Variants in PCGF6 observed in about 807,000 individuals in gnomAD.
The protein encoded by PCGF6 is polycomb group RING finger protein 6.
A neutral mutation model predicts 45.5 loss-of-function variants in PCGF6; 24 were observed. The ratio of observed to expected loss-of-function variants is 0.53; its 90% CI spans 0.38 to 0.74. The LOEUF is 0.74. Among genes scored for constraint, PCGF6 ranks in the 30% least tolerant of loss-of-function variants. PCGF6 has a pLI of 0.00. For missense variants in PCGF6, 356 were observed against 443.2 expected (o/e 0.80, Z 1.77); for synonymous variants, 152 against 162.1 (o/e 0.94, Z 0.47).
At chr10:103,335,260 G>T (rs2093252472) in intron 6 of PCGF6, among the ~76,000 whole-genome samples, 1 of 150,824 alleles carries the variant, frequency 6.6e-6, no homozygotes. Context: ...CGCTGTGTTG[G>T]CCAGGCTGGT....
At chr10:103,343,589 A>C (rs2093288741) in intron 6 of PCGF6, among the ~76,000 whole-genome samples, 1 of 152,034 alleles carries the variant, frequency 6.6e-6, no homozygotes, top group Non-Finnish European at 1.5e-5. Flanking sequence ...CTGTAATCCC[A>C]GCACTTTGGG....
chr10:103,322,885 AAAAC>A (rs2093202828), intron 8 of PCGF6, among the ~76,000 whole-genome samples: 1 of 150,484 alleles, frequency 6.6e-6, no homozygotes, highest in Non-Finnish European at 1.5e-5. Context: ...CACCAAAAAA[AAAAC>A]AAAAAACAAA....
In PCGF6 at chr10:103,327,204, G is replaced by C. The variant is rs145078114; in HGVS notation, c.811-572C>G. 4.1e-3 allele frequency among the ~76,000 whole-genome samples: 617 copies of C among 152,224 alleles called. 4 individuals are homozygous for C. Among genetic ancestry groups the C allele is most frequent in the African/African-American group, 0.012 (506 of 41,548 alleles). ...GGAGGCTGAGGCAGGAGAATCGCTT[G>C]AACCTGGGAGGCAGAGGTTGCAGAG... On this transcript the variant is annotated intron_variant, in intron 7 of 9. Coordinates refer to ENST00000369847, the MANE Select transcript of PCGF6 (RefSeq NM_001011663.2).
chr10:103,338,368 C>T (rs972147081), intron 6 of PCGF6, among the ~76,000 whole-genome samples: 2 of 151,424 alleles, frequency 1.3e-5, no homozygotes, highest in Non-Finnish European at 2.9e-5. Flanking sequence ...ATGGTGAAAC[C>T]CTGTCTCTAC....
At chr10:103,339,662 C>T (rs2093271129) in intron 6 of PCGF6, among the ~76,000 whole-genome samples, 2 of 150,270 alleles carry the variant, frequency 1.3e-5, no homozygotes, top group South Asian at 4.2e-4. Context: ...TGGAGGAGGG[C>T]ACTTGTAATC....
intron 7 of PCGF6, among the ~76,000 whole-genome samples, chr10:103,326,911 C>CA (rs1219392484): frequency 2.0e-5 from 3 of 152,066 alleles, no homozygotes; most frequent in South Asian, 2.1e-4. Flanking sequence ...AAACAAAACT[C>CA]AGAGTAAAAT....
intron 6 of PCGF6, among the ~76,000 whole-genome samples, chr10:103,339,306 C>T (rs370508104): frequency 3.3e-5 from 5 of 152,130 alleles, no homozygotes; most frequent in African/African-American, 1.2e-4. Context: ...GAGAGGATTG[C>T]TTGAGTATAG....
At chr10:103,307,456 AAAAG>A (rs918999610) in intron 9 of PCGF6, among the ~76,000 whole-genome samples, 24 of 152,020 alleles carry the variant, frequency 1.6e-4, no homozygotes, top group South Asian at 6.2e-4. Context: ...TCTCAAAAAA[AAAAG>A]AAAGAAAGTT....
At position 103,303,714 on chromosome 10, in the gene PCGF6, A is replaced by G. The variant is rs1462304781; in HGVS notation, c.*191T>C. 2.3e-6 allele frequency: 1 copy of G among 432,170 alleles called. No individual in the cohort carries two copies. The highest frequency in any genetic ancestry group is 2.0e-5 in the African/African-American group (1 of 49,492). The allele number at this position is 432,170 out of a possible 1,614,324, so 26.8% of individuals were successfully genotyped here. On this transcript the variant is annotated 3_prime_UTR_variant, in exon 10 of 10. Coordinates refer to ENST00000369847, the MANE Select transcript of PCGF6 (RefSeq NM_001011663.2). ...TGAGCTTTGGCTGCTTTTTATATAC[A>G]GTCTCTAGTAACAGATGCATTCCAT...
intron 9 of PCGF6, among the ~76,000 whole-genome samples, chr10:103,308,759 C>T (rs2093146341): frequency 6.6e-6 from 1 of 151,718 alleles, no homozygotes; most frequent in African/African-American, 2.4e-5. Context: ...TGCAGTCCCA[C>T]CAAGCTGGGA....
At chr10:103,314,318 A>G (rs1342237734) in intron 8 of PCGF6, 46 bp from the exon 9 acceptor site, 2 of 1,133,626 alleles carry the variant, frequency 1.8e-6, no homozygotes, top group Non-Finnish European at 2.6e-6. Flanking sequence ...GCTTCAAAAT[A>G]CCATCTGAAG....
intron 9 of PCGF6, among the ~76,000 whole-genome samples, chr10:103,305,427 C>G (rs920768997): frequency 6.6e-6 from 1 of 151,982 alleles, no homozygotes; most frequent in Non-Finnish European, 1.5e-5. Flanking sequence ...CCCGCCATCA[C>G]GCCTGGCTAA....
intron 9 of PCGF6, among the ~76,000 whole-genome samples, chr10:103,311,001 A>T (rs556967663): frequency 4.3e-4 from 66 of 152,196 alleles, no homozygotes; most frequent in African/African-American, 1.6e-3. Flanking sequence ...CATGTCTGCT[A>T]ATTTTTCTAT....
chr10:103,307,775 A>G (rs1205889610), intron 9 of PCGF6, among the ~76,000 whole-genome samples: 3 of 152,258 alleles, frequency 2.0e-5, no homozygotes, highest in South Asian at 4.1e-4. Context: ...GCCTAACCTG[A>G]GTACATTTTA....
At chr10:103,340,597 A>G (rs2093277245) in intron 6 of PCGF6, among the ~76,000 whole-genome samples, 1 of 151,282 alleles carries the variant, frequency 6.6e-6, no homozygotes, top group African/African-American at 2.4e-5. Flanking sequence ...TTTCCCCAAA[A>G]TAATTTTTTT....
intron 1 of PCGF6, among the ~76,000 whole-genome samples, 165 bp downstream of exon 1, chr10:103,350,542 C>A (rs1380258983): frequency 6.6e-6 from 1 of 152,184 alleles, no homozygotes; most frequent in African/African-American, 2.4e-5. Flanking sequence ...GGAGGCCTGT[C>A]GGCGCCACAC....
intron 1 of PCGF6, 112 bp downstream of exon 1, chr10:103,350,595 T>A (rs1592081787): frequency 2.6e-6 from 3 of 1,138,522 alleles, no homozygotes; most frequent in Non-Finnish European, 3.5e-6. Flanking sequence ...TCCGCTCCAG[T>A]GCTCCGCGCG....
chr10:103,345,190 C>A, intron 5 of PCGF6, 58 bp from the exon 6 acceptor site: 1 of 1,237,404 alleles, frequency 8.1e-7, no homozygotes, highest in Non-Finnish European at 1.2e-6. Flanking sequence ...AAATTGAGAT[C>A]TTTGGAAAAA....
intron 9 of PCGF6, chr10:103,312,383 C>T (rs2093160561): frequency 1.3e-5 from 2 of 150,986 alleles, no homozygotes; most frequent in Non-Finnish European, 3.0e-5. Context: ...CAGAGCAAGA[C>T]TCCGTCTCAA....
Sources: gnomAD v4.1 joint callset for allele counts (sites outside exome capture counted in the v4.1 genomes callset) on GRCh38, gnomAD v4.1.1 for gene constraint, MANE v1.5 for transcripts, NCBI Gene and HGNC (gene_info 2026-07-23, HGNC 2026-07-21) for gene names.